The following EML5 variants were observed in gnomAD, a reference collection of about 807,000 sequenced individuals.
EML5 encodes the protein echinoderm microtubule-associated protein-like 5.
Under a neutral mutation model 250.0 loss-of-function variants are expected in EML5, and 120 were observed. The observed-to-expected ratio is 0.48, with a 90% confidence interval of 0.41 to 0.56. The LOEUF (loss-of-function observed/expected upper bound fraction) is 0.56, where lower values mean the gene tolerates loss of function less well. Ranked by LOEUF, EML5 falls within the 20% of genes least tolerant of loss-of-function variation. The probability of loss-of-function intolerance (pLI) is 0.00; values close to 1 mark genes in which losing one functional copy is unlikely to be tolerated. For missense variants in EML5, 2,006 were observed against 2,437.6 expected (o/e 0.82, Z 3.73); for synonymous variants, 771 against 806.5 (o/e 0.96, Z 0.75).
intron 14 of EML5, among the ~76,000 whole-genome samples, chr14:88,700,083 A>C (rs1171260239): frequency 6.6e-6 from 1 of 152,182 alleles, no homozygotes. Context: ...TCCCCACAAC[A>C]TTTAATGCTT....
intron 1 of EML5, among the ~76,000 whole-genome samples, chr14:88,780,520 T>A (rs2094487344): frequency 6.6e-6 from 1 of 152,140 alleles, no homozygotes; most frequent in Non-Finnish European, 1.5e-5. Flanking sequence ...ACTGTGAGGA[T>A]CGACAGGTCT....
rs529947850 is a variant in EML5 at position 88,777,317 on chromosome 14, C to T, written c.197+14990G>A. On this transcript the variant is annotated intron_variant, in intron 1 of 43. Transcript: ENST00000554922. ...AAGTTCTGAAGTAAAAAAAAATTTACCCTAGAATAGTATATCCAGTGAAAT... is the reference window on the plus strand; with the variant it reads ...AAGTTCTGAAGTAAAAAAAAATTTATCCTAGAATAGTATATCCAGTGAAAT... 3.3e-5 allele frequency among the ~76,000 whole-genome samples: 5 copies of T among 152,182 alleles called. No individual in the cohort carries two copies. In the South Asian group the frequency reaches 1.0e-3, roughly 32 times the overall value.
At position 88,702,645 on chromosome 14, in the gene EML5, A is replaced by G; in HGVS notation, c.2052-13T>C. ...ATAACCTCTGTAACTAATATAGAAA[A>G]CAAATCATATATAATTAATTTTGGC... is the stretch of plus-strand genomic sequence containing the variant. On this transcript the variant is annotated splice_polypyrimidine_tract_variant and intron_variant, in intron 13 of 43. Coordinates refer to ENST00000554922, the MANE Select transcript of EML5 (RefSeq NM_183387.3). The G allele has an allele frequency of 6.6e-7, 1 of 1,512,722 alleles. No individual in the cohort carries two copies. Among genetic ancestry groups the G allele is most frequent in the South Asian group, 1.3e-5 (1 of 77,952 alleles). The allele number at this position is 1,512,722 out of a possible 1,614,324, so 93.7% of individuals were successfully genotyped here.
At chr14:88,640,904 G>A (rs913931011) in intron 31 of EML5, among the ~76,000 whole-genome samples, 1 of 151,572 alleles carries the variant, frequency 6.6e-6, no homozygotes, top group African/African-American at 2.4e-5. Context: ...AACACAAAAG[G>A]CCCTCAGAGA....
chr14:88,669,357 G>A (rs1486516697), intron 21 of EML5, among the ~76,000 whole-genome samples: 1 of 152,140 alleles, frequency 6.6e-6, no homozygotes, highest in East Asian at 1.9e-4. Context: ...CTGGGCGAGG[G>A]GCAGCAGACA....
chr14:88,664,670 A>G (rs769260692), intron 22 of EML5, 46 bp from the exon 23 acceptor site: 2 of 1,568,420 alleles, frequency 1.3e-6, no homozygotes, highest in South Asian at 1.2e-5. Flanking sequence ...CTTTGGAAAT[A>G]CTTTTTTACA....
Position 88,722,964 on chromosome 14 carries a change from G to A in EML5, c.1187+3577C>T, listed in dbSNP as rs1303756557. ...TAAGAAAACATGGTGAGAGATTATAGAATCTGTATGTAACACAGCAATAAG... is the reference window on the plus strand; with the variant it reads ...TAAGAAAACATGGTGAGAGATTATAAAATCTGTATGTAACACAGCAATAAG... On this transcript the variant is annotated intron_variant, in intron 8 of 43. Coordinates refer to ENST00000554922, the MANE Select transcript of EML5 (RefSeq NM_183387.3). 2.0e-5 allele frequency among the ~76,000 whole-genome samples: 3 copies of A among 152,098 alleles called. No individual in the cohort carries two copies. In the South Asian group the frequency reaches 6.2e-4, roughly 32 times the overall value.
intron 13 of EML5, among the ~76,000 whole-genome samples, chr14:88,703,091 T>C (rs905046887): frequency 6.6e-6 from 1 of 152,252 alleles, no homozygotes; most frequent in East Asian, 1.9e-4. Context: ...AATAAACTTT[T>C]ATGAACTGCT....
intron 1 of EML5, among the ~76,000 whole-genome samples, chr14:88,791,069 T>C (rs2094601479): frequency 6.6e-6 from 1 of 151,462 alleles, no homozygotes; most frequent in African/African-American, 2.4e-5. Flanking sequence ...TTCCTTACTC[T>C]GCAATCTCAA....
intron 8 of EML5, among the ~76,000 whole-genome samples, chr14:88,722,381 T>C (rs753064114): frequency 2.0e-5 from 3 of 152,126 alleles, no homozygotes; most frequent in Non-Finnish European, 2.9e-5. Context: ...CCATCAATGA[T>C]AGACTGGATA....
Position 88,714,968 on chromosome 14 carries a change from T to C in EML5, c.1415A>G (p.Asn472Ser). 6.2e-7 allele frequency: 1 copy of C among 1,612,420 alleles called. No individual in the cohort carries two copies. Among genetic ancestry groups the C allele is most frequent in the Non-Finnish European group, 8.5e-7 (1 of 1,179,392 alleles). ...DSRYLQTNDG[N>S]GKRLFYRMPG... ...CATTCTATAAAAAAGTCTTTTCCCA[T>C]TTCCATCATTTGTCTGCAAATATCT... Residue 472 changes from asparagine to serine, a missense_variant, in exon 9 of 44, where the codon AAT becomes AGT. Coordinates refer to ENST00000554922, the MANE Select transcript of EML5 (RefSeq NM_183387.3).
intron 7 of EML5, among the ~76,000 whole-genome samples, chr14:88,735,539 T>A: frequency 6.6e-6 from 1 of 152,208 alleles, no homozygotes; most frequent in Admixed American, 6.5e-5. Context: ...TTATAATTAG[T>A]TCTGTTAAGG....
At position 88,672,515 on chromosome 14, in the gene EML5, G is replaced by A. The variant is rs181498889; in HGVS notation, c.3125-7026C>T. On this transcript the variant is annotated intron_variant, in intron 21 of 43. Transcript: ENST00000554922. Reference sequence around the variant, plus strand: ...AGAGAACCAAGAGCAAACAAACCCCGAAGCTAGCAGAAGACAAGAAATAAC... The same window carrying A: ...AGAGAACCAAGAGCAAACAAACCCCAAAGCTAGCAGAAGACAAGAAATAAC... 5.2e-3 allele frequency among the ~76,000 whole-genome samples: 788 copies of A among 151,966 alleles called. 9 individuals carry two copies. The highest frequency in any genetic ancestry group is 0.018 in the African/African-American group (755 of 41,462).
intron 7 of EML5, among the ~76,000 whole-genome samples, chr14:88,735,710 A>G (rs559816851): frequency 6.6e-6 from 1 of 152,338 alleles, no homozygotes; most frequent in Admixed American, 6.5e-5. Context: ...TGACAAATGT[A>G]TAATGATATT....
intron 1 of EML5, among the ~76,000 whole-genome samples, chr14:88,778,557 G>T (rs1470045605): frequency 6.6e-6 from 1 of 152,234 alleles, no homozygotes; most frequent in Non-Finnish European, 1.5e-5. Context: ...GAGGCGGGTG[G>T]ATCACGAGGT....
At chr14:88,627,330 C>T (rs1341635116) in intron 34 of EML5, 3 of 457,556 alleles carry the variant, frequency 6.6e-6, no homozygotes, top group Non-Finnish European at 1.2e-5. Context: ...TAGAAATATA[C>T]ATAATTTTCA....
At position 88,714,961 on chromosome 14, in the gene EML5, T is replaced by C. The variant is rs757288475; in HGVS notation, c.1422A>G (p.Lys474=). Residue 474 remains lysine, a synonymous_variant, in exon 9 of 44, where the codon AAA becomes AAG. Coordinates refer to ENST00000554922, the MANE Select transcript of EML5 (RefSeq NM_183387.3). ...TACCTGGCATTCTATAAAAAAGTCTTTTCCCATTTCCATCATTTGTCTGCA... is the reference window on the plus strand; with the variant it reads ...TACCTGGCATTCTATAAAAAAGTCTCTTCCCATTTCCATCATTTGTCTGCA... The part of the protein sequence containing the change: ...RYLQTNDGNG[K]RLFYRMPGGK... 8.1e-6 allele frequency: 13 copies of C among 1,612,782 alleles called. No individual in the cohort carries two copies. Among genetic ancestry groups the C allele is most frequent in the Non-Finnish European group, 1.1e-5 (13 of 1,179,356 alleles).
At chr14:88,729,248 A>G (rs1282355224) in intron 7 of EML5, among the ~76,000 whole-genome samples, 1 of 152,146 alleles carries the variant, frequency 6.6e-6, no homozygotes, top group African/African-American at 2.4e-5. Context: ...GCTGAACAGA[A>G]TGGTGAAAAT....
At chr14:88,661,902 T>A in intron 24 of EML5, 72 bp from the exon 25 acceptor site, 1 of 1,345,956 alleles carries the variant, frequency 7.4e-7, no homozygotes, top group Non-Finnish European at 1.0e-6. Context: ...AATGTAAACA[T>A]TTTTCTTTGT....
Sources: gnomAD v4.1 joint callset for allele counts (sites outside exome capture counted in the v4.1 genomes callset) on GRCh38, gnomAD v4.1.1 for gene constraint, MANE v1.5 for transcripts, NCBI Gene and HGNC (gene_info 2026-07-23, HGNC 2026-07-21) for gene names.